The following SPTBN1 variants were observed in gnomAD, a reference collection of about 807,000 sequenced individuals.
SPTBN1 encodes spectrin beta, non-erythrocytic 1.
A neutral mutation model predicts 266.4 loss-of-function variants in SPTBN1; 32 were observed. The observed-to-expected ratio is 0.12, with a 90% CI of 0.09 to 0.16. SPTBN1 has a LOEUF of 0.16. Among genes scored for constraint, SPTBN1 ranks in the 10% least tolerant of loss-of-function variants. The probability of loss-of-function intolerance (pLI) is 1.00; values close to 1 mark genes in which losing one functional copy is unlikely to be tolerated. For synonymous variants in SPTBN1, 1,336 were observed against 1,162.2 expected (o/e 1.15, Z -3.04); for missense variants, 2,296 against 3,067.1 (o/e 0.75, Z 5.94).
chr2:54,621,584 T>A lies in SPTBN1; in HGVS notation c.876+72T>A, dbSNP rs528360218. On this transcript the variant is annotated intron_variant, in intron 8 of 35. Coordinates refer to ENST00000356805, the MANE Select transcript of SPTBN1 (RefSeq NM_003128.3). ...ATTGAGCCCTCATTCTCCCATGCAC[T>A]CATAAAATTTGCCAATAGCAATTTG... 4 of 1,299,180 alleles carry A rather than the reference T, an allele frequency of 3.1e-6. No homozygotes were observed. In the South Asian group the frequency reaches 4.9e-5, roughly 16 times the overall value. 80.5% of individuals were successfully genotyped at this position (1,299,180 alleles called of 1,614,324 possible).
chr2:54,589,779 T>G (rs1675547412), intron 2 of SPTBN1, among the ~76,000 whole-genome samples: 1 of 152,220 alleles, frequency 6.6e-6, no homozygotes, highest in Non-Finnish European at 1.5e-5. Context: ...CAGCTGCCTG[T>G]TTCCGGCTTC....
At chr2:54,603,230 G>T (rs1676613629) in intron 3 of SPTBN1, among the ~76,000 whole-genome samples, 1 of 152,006 alleles carries the variant, frequency 6.6e-6, no homozygotes, top group Non-Finnish European at 1.5e-5. Flanking sequence ...GGCAGCCAGA[G>T]TGTGAAAGCT....
intron 2 of SPTBN1, among the ~76,000 whole-genome samples, chr2:54,562,810 G>A (rs866853524): frequency 2.4e-4 from 36 of 150,930 alleles, no homozygotes; most frequent in African/African-American, 8.3e-4. Flanking sequence ...GGTCTGCCTC[G>A]GCCTCCCAAA....
intron 1 of SPTBN1, among the ~76,000 whole-genome samples, chr2:54,516,807 G>T (rs375776438): frequency 1.4e-4 from 22 of 152,332 alleles, no homozygotes; most frequent in African/African-American, 4.8e-4. Flanking sequence ...ATGTGCCCAA[G>T]GTGGTCAGGG....
intron 2 of SPTBN1, among the ~76,000 whole-genome samples, chr2:54,556,643 C>G (rs1672896696): frequency 2.5e-5 from 2 of 80,552 alleles, no homozygotes; most frequent in South Asian, 7.4e-4. Flanking sequence ...AGACGGTTCC[C>G]AATTCAACTT....
At chr2:54,510,734 C>G (rs374652837) in intron 1 of SPTBN1, among the ~76,000 whole-genome samples, 1 of 152,172 alleles carries the variant, frequency 6.6e-6, no homozygotes, top group East Asian at 1.9e-4. Flanking sequence ...TTGAAAAATG[C>G]AGTTTCAAAA....
chr2:54,619,373 T>G (rs1344754473), intron 7 of SPTBN1, among the ~76,000 whole-genome samples: 2 of 152,240 alleles, frequency 1.3e-5, no homozygotes, highest in Non-Finnish European at 2.9e-5. Context: ...GGAAGGAATT[T>G]TTCCTTAGCC....
intron 1 of SPTBN1, among the ~76,000 whole-genome samples, chr2:54,458,090 T>C (rs1226028934): frequency 2.0e-5 from 3 of 152,214 alleles, no homozygotes; most frequent in Non-Finnish European, 4.4e-5. Flanking sequence ...TATGCATTAA[T>C]TTTTTCTACG....
rs747928313 is a variant in SPTBN1 at position 54,655,176 on chromosome 2, C to T, written c.5929C>T (p.Leu1977=). ...FTTCIELGKS[L]LARKHYASEE... is the part of the protein sequence containing the mutation. Reference sequence around the variant, plus strand: ...AACCTGCATTGAACTTGGGAAATCCCTGTTGGCGAGAAAACACTATGCATC... The same window carrying T: ...AACCTGCATTGAACTTGGGAAATCCTTGTTGGCGAGAAAACACTATGCATC... The change falls in exon 28 of 36, where the codon CTG becomes TTG. Residue 1977 remains leucine, a synonymous_variant. Transcript: ENST00000356805. 54 of 1,614,034 alleles carry T rather than the reference C, an allele frequency of 3.3e-5. No homozygotes were observed. The highest frequency in any genetic ancestry group is 4.4e-5 in the Non-Finnish European group (52 of 1,180,030).
At chr2:54,655,281 T>C in intron 28 of SPTBN1, 73 bp downstream of exon 28, 1 of 1,567,102 alleles carries the variant, frequency 6.4e-7, no homozygotes, top group South Asian at 1.2e-5. Flanking sequence ...TATGTTTGTG[T>C]GTGTCAGAGA....
At position 54,668,742 on chromosome 2, in the gene SPTBN1, C is replaced by T. The variant is rs1572793779; in HGVS notation, c.*173C>T. ...GGGGTGGGGGAAACACACCTAAACA[C>T]TTTATCTCCAAGTTACAAAAGTTTG... On this transcript the variant is annotated 3_prime_UTR_variant, in exon 36 of 36. Transcript: ENST00000356805. 1.7e-6 allele frequency: 1 copy of T among 605,644 alleles called. No homozygotes were observed. Among genetic ancestry groups the T allele is most frequent in the East Asian group, 3.2e-5 (1 of 31,116 alleles). 37.5% of individuals were successfully genotyped at this position (605,644 alleles called of 1,614,324 possible). A position where few individuals can be genotyped will look rare whatever the true frequency, so the allele number is the denominator to read the frequency against.
chr2:54,610,406 G>T (rs1384262070), intron 3 of SPTBN1, among the ~76,000 whole-genome samples: 1 of 152,104 alleles, frequency 6.6e-6, no homozygotes, highest in Non-Finnish European at 1.5e-5. Context: ...TCACATAAAA[G>T]ATGCATTTTT....
chr2:54,665,839 A>T, intron 33 of SPTBN1, 76 bp from the exon 34 acceptor site: 1 of 1,471,946 alleles, frequency 6.8e-7, no homozygotes, highest in Non-Finnish European at 9.2e-7. Context: ...TTTTCATGTT[A>T]ATGAAATGTT....
At chr2:54,530,352 A>ATTTTTT (rs1558810829) in intron 2 of SPTBN1, among the ~76,000 whole-genome samples, 14 of 60,688 alleles carry the variant, frequency 2.3e-4, no homozygotes, top group South Asian at 1.2e-3. Flanking sequence ...ATTGTAAAAA[A>ATTTTTT]CTTTTTTTTT....
intron 1 of SPTBN1, among the ~76,000 whole-genome samples, chr2:54,507,927 G>A (rs1370236830): frequency 6.6e-6 from 1 of 152,000 alleles, no homozygotes; most frequent in Non-Finnish European, 1.5e-5. Flanking sequence ...GAGATTGATA[G>A]TGTGATAGAG....
At chr2:54,604,258 C>T (rs1365748706) in intron 3 of SPTBN1, among the ~76,000 whole-genome samples, 1 of 152,116 alleles carries the variant, frequency 6.6e-6, no homozygotes, top group Non-Finnish European at 1.5e-5. Context: ...CATCGCAGCA[C>T]CCCAGAGACC....
In SPTBN1 at chr2:54,631,162, G is replaced by A. The variant is rs375724150; in HGVS notation, c.3115G>A (p.Glu1039Lys). 2.7e-5 allele frequency: 43 copies of A among 1,614,216 alleles called. No homozygotes were observed. Among genetic ancestry groups the A allele is most frequent in the South Asian group, 1.5e-4 (14 of 91,088 alleles). The stretch of plus-strand genomic sequence containing the variant: ...CCAGGCCATCCTGTCTCGGCTGGCC[G>A]AGATCAGCGACGTGTGGGAGGAGAT... Reference protein sequence around the residue: ...QAQAILSRLAEISDVWEEMKT... With the variant: ...QAQAILSRLAKISDVWEEMKT... The change falls in exon 16 of 36, where the codon GAG becomes AAG. Residue 1039 changes from glutamate to lysine, a missense_variant. Coordinates refer to ENST00000356805, the MANE Select transcript of SPTBN1 (RefSeq NM_003128.3).
intron 1 of SPTBN1, among the ~76,000 whole-genome samples, chr2:54,500,952 CCT>C (rs1432119923): frequency 3.9e-5 from 6 of 152,214 alleles, no homozygotes; most frequent in Non-Finnish European, 8.8e-5. Flanking sequence ...CCTTTCCAGT[CCT>C]CTCTTTATAG....
intron 27 of SPTBN1, among the ~76,000 whole-genome samples, chr2:54,654,457 G>A (rs189926276): frequency 2.9e-4 from 44 of 152,234 alleles, no homozygotes; most frequent in Middle Eastern, 3.4e-3. Flanking sequence ...GCCAGCTCCA[G>A]CCCCCACTGT....
Sources: allele counts gnomAD v4.1 joint callset (sites outside exome capture counted in the v4.1 genomes callset), GRCh38; gene constraint gnomAD v4.1.1; transcripts MANE v1.5; gene names NCBI Gene and HGNC (gene_info 2026-07-23, HGNC 2026-07-21).